The following TRPM7 variants were observed in gnomAD, a reference collection of about 807,000 sequenced individuals.
TRPM7 encodes transient receptor potential cation channel subfamily M member 7.
In TRPM7, 134 loss-of-function variants were observed where a neutral mutation model predicts 229.7. That is an observed-to-expected ratio of 0.58 (90% CI 0.51 to 0.67). The LOEUF (loss-of-function observed/expected upper bound fraction) is 0.67. TRPM7 is among the 30% of genes least tolerant of loss of function. The pLI, the probability that TRPM7 is intolerant of heterozygous loss-of-function variation, is 0.00. For missense variants in TRPM7, 1,901 were observed against 2,210.0 expected, an observed-to-expected ratio of 0.86 and a Z score of 2.80; for synonymous variants, 699 against 715.2, an observed-to-expected ratio of 0.98 and a Z score of 0.36.
At chr15:50,568,744 G>A (rs962219085) in intron 38 of TRPM7, among the ~76,000 whole-genome samples, 2 of 152,060 alleles carry the variant, frequency 1.3e-5, no homozygotes, top group East Asian at 1.9e-4. Flanking sequence ...GGAGGCTGAC[G>A]CAGGTGGATC....
chr15:50,578,852 A>C (rs1022252251), intron 30 of TRPM7, among the ~76,000 whole-genome samples, 188 bp from the exon 31 acceptor site: 2 of 149,932 alleles, frequency 1.3e-5, no homozygotes, highest in Admixed American at 1.3e-4. Context: ...ATATATATCT[A>C]TATATATATA....
chr15:50,589,712 T>TA, intron 26 of TRPM7, 56 bp from the exon 27 acceptor site: 1 of 1,142,896 alleles, frequency 8.7e-7, no homozygotes, highest in Non-Finnish European at 1.3e-6. Context: ...TTCACCGAAA[T>TA]AATGGCACTG....
In TRPM7 at chr15:50,592,184, A is replaced by G. The variant is rs202245737; in HGVS notation, c.4051T>C (p.Ser1351Pro). 6.1e-5 allele frequency: 99 copies of G among 1,614,176 alleles called. No individual in the cohort carries two copies. The African/African-American group carries it at 1.2e-3, about 20-fold the overall frequency. The change falls in exon 26 of 39, where the codon TCT becomes CCT. Residue 1351 changes from serine to proline, a missense_variant. Transcript: ENST00000646667. ...KEFNFPEAGS[S>P]SGALFPSAVS... ...GCACTTGGGAATAAGGCACCAGAAGAGGAACCAGCCTCTGGAAAATTAAAT... is the reference window on the plus strand; with the variant it reads ...GCACTTGGGAATAAGGCACCAGAAGGGGAACCAGCCTCTGGAAAATTAAAT...
chr15:50,627,239 T>C (rs952754030), intron 11 of TRPM7, among the ~76,000 whole-genome samples: 7 of 152,202 alleles, frequency 4.6e-5, no homozygotes, highest in Admixed American at 1.3e-4. Context: ...CAATAAATAA[T>C]AGCTACATTA....
rs146839540 is a variant in TRPM7, at chr15:50,674,211, A to T, written c.4-11165T>A. Among the ~76,000 whole-genome samples the T allele has an allele frequency of 7.9e-3, 1,202 of 152,228 alleles. 20 individuals carry two copies. The highest frequency in any genetic ancestry group is 0.028 in the African/African-American group (1,151 of 41,532). ...ACCATGTTGACCAGGCTGGTCTCAA[A>T]CCCCTGACCTCAAGTGATCCATCTG... On this transcript the variant is annotated intron_variant, in intron 1 of 38. Coordinates refer to ENST00000646667, the MANE Select transcript of TRPM7 (RefSeq NM_017672.6).
chr15:50,642,648 A>C (rs747666220), intron 5 of TRPM7, among the ~76,000 whole-genome samples: 39 of 152,156 alleles, frequency 2.6e-4, no homozygotes, highest in Admixed American at 3.9e-4. Flanking sequence ...CCATGATTAT[A>C]AATTTCCTGA....
chr15:50,674,254 G>C (rs1487910869), intron 1 of TRPM7, among the ~76,000 whole-genome samples: 1 of 152,174 alleles, frequency 6.6e-6, no homozygotes. Flanking sequence ...CTCCCAAAGT[G>C]CTAGGATTAC....
intron 1 of TRPM7, among the ~76,000 whole-genome samples, chr15:50,678,213 C>G (rs1339369767): frequency 2.2e-5 from 3 of 138,940 alleles, no homozygotes; most frequent in African/African-American, 7.8e-5. Flanking sequence ...GCACTCCAGC[C>G]TGGGCAACAG....
At position 50,575,715 on chromosome 15, in the gene TRPM7, T is replaced by C; in HGVS notation, c.4735+9A>G. On this transcript the variant is annotated intron_variant, in intron 33 of 38. Coordinates refer to ENST00000646667, the MANE Select transcript of TRPM7 (RefSeq NM_017672.6). The stretch of plus-strand genomic sequence containing the variant: ...TTCACTTATTTATTTCTTTAATTTT[T>C]GGATTTACCTCTTGGAGGCACAGGT... 3 of 1,606,278 alleles carry C rather than the reference T, an allele frequency of 1.9e-6. No homozygotes were observed. The highest frequency in any genetic ancestry group is 1.7e-6 in the Non-Finnish European group (2 of 1,177,108).
Position 50,570,089 on chromosome 15 carries a change from GTTAAAAC to G in TRPM7, c.5360+8_5360+14del. The G allele has an allele frequency of 6.2e-7, 1 of 1,608,516 alleles. No homozygotes were observed. The highest frequency in any genetic ancestry group is 8.5e-7 in the Non-Finnish European group (1 of 1,177,362). On this transcript the variant is annotated splice_region_variant and intron_variant, in intron 37 of 38. Transcript: ENST00000646667. ...TGTGAAATTATGCCTTAATGAAATA[GTTAAAAC>G]TTATTACCTCTTTTCTTCTGCTTTT...
chr15:50,670,810 G>GGA (rs1196158026), intron 1 of TRPM7, among the ~76,000 whole-genome samples: 13 of 113,514 alleles, frequency 1.1e-4, no homozygotes, highest in Non-Finnish European at 2.3e-4. Flanking sequence ...AAAAGAAAAA[G>GGA]AAAAAAAAAA....
In TRPM7 at chr15:50,672,648, G is replaced by T. The variant is rs546100103; in HGVS notation, c.4-9602C>A. Among the ~76,000 whole-genome samples, 206 of 151,640 alleles carry T rather than the reference G, an allele frequency of 1.4e-3. 3 individuals are homozygous for T. Among genetic ancestry groups the T allele is most frequent in the African/African-American group, 4.8e-3 (199 of 41,400 alleles). Reference sequence around the variant, plus strand: ...AAAGTAGCCAGGTGCGGTGGCTCACGCCTGTAACCCCAGCACTTTGGGAGG... The same window carrying T: ...AAAGTAGCCAGGTGCGGTGGCTCACTCCTGTAACCCCAGCACTTTGGGAGG... On this transcript the variant is annotated intron_variant, in intron 1 of 38. Transcript: ENST00000646667.
chr15:50,613,737 G>A lies in TRPM7; in HGVS notation c.1740C>T (p.Phe580=). 3 of 1,612,190 alleles carry A rather than the reference G, an allele frequency of 1.9e-6. No homozygotes were observed. Among genetic ancestry groups the A allele is most frequent in the Admixed American group, 1.7e-5 (1 of 59,766 alleles). The change falls in exon 15 of 39, where the codon TTC becomes TTT. Residue 580 remains phenylalanine, a synonymous_variant. Coordinates refer to ENST00000646667, the MANE Select transcript of TRPM7 (RefSeq NM_017672.6). ...GTCGGTAGGGCTGTGCTGTCTTAATGAAATGGTTATGCCTCATTTTTTCCT... is the reference window on the plus strand; with the variant it reads ...GTCGGTAGGGCTGTGCTGTCTTAATAAAATGGTTATGCCTCATTTTTTCCT... The part of the protein sequence containing the change: ...DKKEKMRHNH[F]IKTAQPYRPK...
rs1488163306 is a variant in TRPM7, at chr15:50,585,048, G to GTTTTT, written c.4486+1343_4486+1344insAAAAA. Among the ~76,000 whole-genome samples, 72 of 85,722 alleles carry GTTTTT rather than the reference G, an allele frequency of 8.4e-4. 3 individuals are homozygous for GTTTTT. Among genetic ancestry groups the GTTTTT allele is most frequent in the African/African-American group, 2.0e-3 (44 of 22,562 alleles). 56.2% of individuals were successfully genotyped at this position (85,722 alleles called of 152,430 possible). A position where few individuals can be genotyped will look rare whatever the true frequency, so the allele number is the denominator to read the frequency against. ...GCGCCACCACATCTAGCTAATTTTT[G>GTTTTT]TATTTTTTTTTTTTTTTTTTTTTTG... On this transcript the variant is annotated intron_variant, in intron 28 of 38. Coordinates refer to ENST00000646667, the MANE Select transcript of TRPM7 (RefSeq NM_017672.6).
At chr15:50,645,966 G>A (rs1279462283) in intron 4 of TRPM7, among the ~76,000 whole-genome samples, 1 of 151,956 alleles carries the variant, frequency 6.6e-6, no homozygotes, top group African/African-American at 2.4e-5. Flanking sequence ...TTCCAGACCA[G>A]CCTGGCCAAC....
chr15:50,643,310 T>C (rs945512219), intron 5 of TRPM7, 30 bp downstream of exon 5: 5 of 1,569,522 alleles, frequency 3.2e-6, no homozygotes, highest in Non-Finnish European at 3.5e-6. Context: ...TAAAACACAC[T>C]AAATAAAATT....
At chr15:50,619,326 T>A (rs2060322123) in intron 13 of TRPM7, among the ~76,000 whole-genome samples, 1 of 151,520 alleles carries the variant, frequency 6.6e-6, no homozygotes, top group African/African-American at 2.4e-5. Context: ...CCTCAAGTGA[T>A]CCTCCCACCT....
Position 50,560,757 on chromosome 15 carries a change from T to C in TRPM7, c.*921A>G, listed in dbSNP as rs1489972967. The C allele has an allele frequency of 1.3e-5, 2 of 152,608 alleles. No homozygotes were observed. The highest frequency in any genetic ancestry group is 2.9e-5 in the Non-Finnish European group (2 of 68,022). 9.5% of individuals were successfully genotyped at this position (152,608 alleles called of 1,614,324 possible). ...AAATGTTCCAACACAATTTTAAATA[T>C]ATGCAAGAGTTCATGTTTACATTCT... On this transcript the variant is annotated 3_prime_UTR_variant, in exon 39 of 39. Transcript: ENST00000646667.
rs758316549 is a variant in TRPM7 at position 50,591,909 on chromosome 15, A to C, written c.4324+2T>G. On this transcript the variant is annotated splice_donor_variant, in intron 26 of 38. Coordinates refer to ENST00000646667, the MANE Select transcript of TRPM7 (RefSeq NM_017672.6). LOFTEE classifies it high-confidence loss of function. ...ATACAAATACGAATTTGCCAAACTT[A>C]CCTACAAATGCTCCAAATTCTGTAT... 9.7e-6 allele frequency: 15 copies of C among 1,541,466 alleles called. No homozygotes were observed. Among genetic ancestry groups the C allele is most frequent in the Non-Finnish European group, 1.3e-5 (15 of 1,149,732 alleles).
Sources: allele counts gnomAD v4.1 joint callset (sites outside exome capture counted in the v4.1 genomes callset), GRCh38; gene constraint gnomAD v4.1.1; transcripts MANE v1.5; gene names NCBI Gene and HGNC (gene_info 2026-07-23, HGNC 2026-07-21).